SFMBT2: variants seen among roughly 807,000 people sequenced by gnomAD.
SFMBT2 encodes the protein Scm like with four mbt domains 2, also known as scm-like with four MBT domains protein 2.
Under a neutral mutation model 110.1 loss-of-function variants are expected in SFMBT2, and 38 were observed. The observed-to-expected ratio is 0.35, with a 90% CI of 0.27 to 0.45. The LOEUF (loss-of-function observed/expected upper bound fraction) is 0.45. Ranked by LOEUF, SFMBT2 falls within the 20% of genes least tolerant of loss-of-function variation. SFMBT2 has a pLI of 1.00. For missense variants in SFMBT2, 1,011 were observed against 1,094.9 expected (o/e 0.92, Z 1.08); for synonymous variants, 425 against 425.4 (o/e 1.00, Z 0.01).
intron 9 of SFMBT2, among the ~76,000 whole-genome samples, chr10:7,235,229 T>C (rs557534842): frequency 4.7e-4 from 71 of 152,250 alleles, no homozygotes; most frequent in Non-Finnish European, 8.5e-4. Flanking sequence ...AAAAATACCC[T>C]TGACCCTATG....
intron 11 of SFMBT2, among the ~76,000 whole-genome samples, chr10:7,217,887 G>T (rs1386807227): frequency 1.3e-5 from 2 of 152,218 alleles, no homozygotes; most frequent in Non-Finnish European, 2.9e-5. Flanking sequence ...CTAACTACCA[G>T]TGGTTTCTGA....
At chr10:7,358,776 A>ATGGCCCTGGAATGGAGGCATGG (rs1486376434) in intron 4 of SFMBT2, among the ~76,000 whole-genome samples, 6 of 140,458 alleles carry the variant, frequency 4.3e-5, no homozygotes, top group Admixed American at 1.4e-4. Context: ...GAACATCTGC[A>ATGGCCCTGGAATGGAGGCATGG]TGGCCCTGGA....
At chr10:7,283,867 TAA>T in intron 6 of SFMBT2, 35 bp downstream of exon 6, 2 of 1,393,428 alleles carry the variant, frequency 1.4e-6, no homozygotes, top group Non-Finnish European at 2.0e-6. Flanking sequence ...CATCTTTTTC[TAA>T]AATACTTTAC....
At chr10:7,198,570 T>A (rs1004575743) in intron 14 of SFMBT2, among the ~76,000 whole-genome samples, 1 of 152,202 alleles carries the variant, frequency 6.6e-6, no homozygotes, top group Admixed American at 6.5e-5. Flanking sequence ...CCAACAATGG[T>A]TCCTGTTGCA....
chr10:7,238,588 T>C (rs10905129), intron 9 of SFMBT2, among the ~76,000 whole-genome samples: 68,008 of 151,934 alleles, frequency 0.45, 16,321 homozygotes, highest in East Asian at 0.86. Flanking sequence ...TCAATAATAA[T>C]TAAAATACAC....
intron 4 of SFMBT2, among the ~76,000 whole-genome samples, chr10:7,353,696 G>T (rs1484527787): frequency 6.6e-6 from 1 of 152,070 alleles, no homozygotes; most frequent in Non-Finnish European, 1.5e-5. Context: ...GTAATTTCCT[G>T]TGTACTGCAA....
chr10:7,348,963 G>T (rs1844210416), intron 4 of SFMBT2, among the ~76,000 whole-genome samples: 1 of 152,128 alleles, frequency 6.6e-6, no homozygotes, highest in Non-Finnish European at 1.5e-5. Context: ...CCTCCAAAAA[G>T]GACATTTGGA....
chr10:7,347,806 A>G (rs567239172), intron 4 of SFMBT2, among the ~76,000 whole-genome samples: 1 of 152,218 alleles, frequency 6.6e-6, no homozygotes, highest in African/African-American at 2.4e-5. Context: ...TTTAATTGAC[A>G]CTTATTTGCT....
chr10:7,198,771 T>C (rs1348732158), intron 14 of SFMBT2, among the ~76,000 whole-genome samples: 1 of 152,148 alleles, frequency 6.6e-6, no homozygotes, highest in Non-Finnish European at 1.5e-5. Context: ...TTACAGGTGG[T>C]GGCTCATGCC....
At chr10:7,386,427 G>C (rs1232312524) in intron 1 of SFMBT2, among the ~76,000 whole-genome samples, 1 of 152,098 alleles carries the variant, frequency 6.6e-6, no homozygotes, top group East Asian at 1.9e-4. Context: ...TGGCCAATGT[G>C]GTGAAACCCA....
Position 7,243,681 on chromosome 10 carries a change from C to T in SFMBT2, c.997G>A (p.Val333Met), listed in dbSNP as rs771702751. Residue 333 changes from valine to methionine, a missense_variant, in exon 9 of 21, where the codon GTG (valine) becomes ATG (methionine). Physicochemically the swap from Val to Met is conservative, Grantham distance 21 (BLOSUM62 1). This residue lies in a region of SFMBT2 where 979 missense variants were observed against 1,016.1 expected (regional missense o/e 0.96). Transcript: ENST00000397167. ...TKVFNNHFFQ[V>M]TIDDLRPEPS... ...TCAGGTCTTAGGTCATCAATAGTCA[C>T]TTGAAAAAAGTGATTGTTAAAAACC... 3 of 871,800 alleles carry T rather than the reference C, an allele frequency of 3.4e-6. No homozygotes were observed. The highest frequency in any genetic ancestry group is 6.0e-6 in the Non-Finnish European group (3 of 501,412). 54.0% of individuals were successfully genotyped at this position (871,800 alleles called of 1,614,324 possible). A position where few individuals can be genotyped will look rare whatever the true frequency, so the allele number is the denominator to read the frequency against.
At position 7,381,868 on chromosome 10, in the gene SFMBT2, G is replaced by A; in HGVS notation, c.31C>T (p.Gln11Ter). ...TCCAAGGGTGAAGATGAAGGGTCTT[G>A]CATATTGGAAGCTGACAAAGTGCTC... MESTLSASNM[Q>*]DPSSSPLEKC... is the part of the protein sequence containing the mutation. The change falls in exon 2 of 21, where the codon CAA (glutamine) becomes TAA (stop). Residue 11 changes from glutamine to a stop codon, truncating the protein, a stop_gained. Coordinates refer to ENST00000397167, the MANE Select transcript of SFMBT2 (RefSeq NM_001387889.1). LOFTEE classifies it high-confidence loss of function. 6.2e-7 allele frequency: 1 copy of A among 1,612,222 alleles called. No homozygotes were observed. The highest frequency in any genetic ancestry group is 8.5e-7 in the Non-Finnish European group (1 of 1,178,840).
chr10:7,333,419 G>A (rs1843620167), intron 4 of SFMBT2, among the ~76,000 whole-genome samples: 1 of 147,500 alleles, frequency 6.8e-6, no homozygotes, highest in South Asian at 2.1e-4. Flanking sequence ...AAGGGACAGG[G>A]TTTCACTTTG....
chr10:7,287,677 C>A (rs1217684088), intron 4 of SFMBT2, among the ~76,000 whole-genome samples: 2 of 152,226 alleles, frequency 1.3e-5, no homozygotes, highest in South Asian at 2.1e-4. Flanking sequence ...ACTCAGCCCC[C>A]ATTTAAGGTC....
intron 4 of SFMBT2, among the ~76,000 whole-genome samples, chr10:7,312,916 T>C (rs1842899154): frequency 6.6e-6 from 1 of 152,190 alleles, no homozygotes; most frequent in African/African-American, 2.4e-5. Flanking sequence ...TTTTCTGGGA[T>C]TGGGGATGCT....
intron 7 of SFMBT2, among the ~76,000 whole-genome samples, chr10:7,252,993 G>A (rs1276807991): frequency 2.0e-5 from 3 of 152,168 alleles, no homozygotes; most frequent in African/African-American, 7.2e-5. Context: ...CATTACCAAT[G>A]GCCAAAGATT....
In SFMBT2 at chr10:7,408,139, G is replaced by A. The variant is rs1042399105; in HGVS notation, c.-52+2722C>T. Among the ~76,000 whole-genome samples the A allele has an allele frequency of 4.6e-5, 7 of 152,388 alleles. No individual in the cohort carries two copies. The highest frequency in any genetic ancestry group is 3.9e-4 in the East Asian group (2 of 5,176). On this transcript the variant is annotated intron_variant, in intron 1 of 20. Transcript: ENST00000397167. This position sits in a 1 kb window ranked among gnomAD's most constrained non-coding sequence, Gnocchi z 5.7. ...CAGCGGCGACGTCAGGAGGACAAGG[G>A]GAGGGGTTCGCGGCTGAAACTGCAG...
chr10:7,209,793 C>A lies in SFMBT2; in HGVS notation c.1331-3865G>T, dbSNP rs76112467. Reference sequence around the variant, plus strand: ...CGGGGCACAGGAGTGGAGGGAGAATCTGACCCAAGATAAACCTTTATGACT... The same window carrying A: ...CGGGGCACAGGAGTGGAGGGAGAATATGACCCAAGATAAACCTTTATGACT... On this transcript the variant is annotated intron_variant, in intron 11 of 20. Coordinates refer to ENST00000397167, the MANE Select transcript of SFMBT2 (RefSeq NM_001387889.1). 3.5e-3 allele frequency among the ~76,000 whole-genome samples: 528 copies of A among 152,342 alleles called. 5 individuals are homozygous for A. Among genetic ancestry groups the A allele is most frequent in the African/African-American group, 0.012 (504 of 41,572 alleles).
intron 1 of SFMBT2, among the ~76,000 whole-genome samples, chr10:7,392,819 G>C (rs1252169788): frequency 1.3e-5 from 2 of 151,010 alleles, no homozygotes; most frequent in Non-Finnish European, 1.5e-5. Context: ...ACTTTTTTGG[G>C]ATTTCAAGTT....
Sources: gnomAD v4.1 joint callset for allele counts (sites outside exome capture counted in the v4.1 genomes callset) on GRCh38, gnomAD v4.1.1 for gene constraint, gnomAD v4.1.1 regional missense constraint, Gnocchi (gnomAD v3.1) non-coding constraint, MANE v1.5 for transcripts, NCBI Gene and HGNC (gene_info 2026-07-23, HGNC 2026-07-21) for gene names.